Variants in DUS1L observed in about 807,000 individuals in gnomAD.
DUS1L encodes dihydrouridine synthase 1 like, also known as tRNA-dihydrouridine(16/17) synthase [NAD(P)(+)]-like.
Under a neutral mutation model 61.2 loss-of-function variants are expected in DUS1L, and 56 were observed. The ratio of observed to expected loss-of-function variants is 0.92; its 90% CI spans 0.74 to 1.14. The LOEUF (loss-of-function observed/expected upper bound fraction) is 1.14. DUS1L is among the 50% of genes most tolerant of loss of function. DUS1L has a pLI of 0.00. For synonymous variants in DUS1L, 278 were observed against 259.5 expected, an observed-to-expected ratio of 1.07 and a Z score of -0.69; for missense variants, 630 against 632.4, an observed-to-expected ratio of 1.00 and a Z score of 0.04.
chr17:82,059,307 G>C (rs1344441036), intron 11 of DUS1L: 1 of 182,494 alleles, frequency 5.5e-6, no homozygotes, highest in Admixed American at 5.4e-5. Context: ...GCTGGCACCA[G>C]CCTGATGTGG....
chr17:82,059,711 C>T (rs2033365835), intron 11 of DUS1L: 1 of 577,700 alleles, frequency 1.7e-6, no homozygotes, highest in Admixed American at 3.0e-5. Context: ...AAGCTTGTCC[C>T]ATAGCCTCAT....
rs1249083295 is a variant in DUS1L at position 82,060,685 on chromosome 17, C to T, written c.1022+16G>A. ...CCTTGGTGCACATCCCCGCCCAGGG[C>T]TGGCTGGGCTCTCACCCCGGCCGGA... is the stretch of plus-strand genomic sequence containing the variant. On this transcript the variant is annotated intron_variant, in intron 10 of 13. Transcript: ENST00000306796. The T allele has an allele frequency of 6.2e-7, 1 of 1,611,394 alleles. No individual in the cohort carries two copies. Among genetic ancestry groups the T allele is most frequent in the South Asian group, 1.1e-5 (1 of 90,758 alleles).
At chr17:82,058,677 C>T (rs760479427) in intron 12 of DUS1L, 104 bp downstream of exon 12, 3 of 1,574,456 alleles carry the variant, frequency 1.9e-6, no homozygotes, top group Non-Finnish European at 2.6e-6. Context: ...ACGTTGCAAA[C>T]CCAGCTGGGC....
At chr17:82,058,281 G>A (rs1598542327) in intron 13 of DUS1L, 27 bp from the exon 14 acceptor site, 1 of 1,552,456 alleles carries the variant, frequency 6.4e-7, no homozygotes. Context: ...GAGGAGTCGG[G>A]GGTCAGGAGG....
intron 5 of DUS1L, 40 bp downstream of exon 5, chr17:82,062,821 C>T (rs749087821): frequency 3.2e-6 from 5 of 1,543,138 alleles, no homozygotes; most frequent in South Asian, 1.1e-5. Flanking sequence ...CGCAAAGGCC[C>T]AGCTGAGGCC....
At position 82,061,894 on chromosome 17, in the gene DUS1L, C is replaced by G; in HGVS notation, c.593+7G>C. On this transcript the variant is annotated splice_region_variant and intron_variant, in intron 6 of 13. Transcript: ENST00000306796. ...GACTGAGGGCTGTGTCACCCACACCCACTCACCGCACAGCCTTGATATGCT... is the reference window on the plus strand; with the variant it reads ...GACTGAGGGCTGTGTCACCCACACCGACTCACCGCACAGCCTTGATATGCT... 1.2e-6 allele frequency: 2 copies of G among 1,604,676 alleles called. No homozygotes were observed. The highest frequency in any genetic ancestry group is 1.1e-5 in the South Asian group (1 of 90,092).
chr17:82,063,592 C>T (rs2033618214), intron 3 of DUS1L, 74 bp from the exon 4 acceptor site: 1 of 1,592,570 alleles, frequency 6.3e-7, no homozygotes, highest in Non-Finnish European at 8.6e-7. Context: ...ACCCCCTCTG[C>T]ACCCTTTCCT....
chr17:82,062,838 A>C (rs748052791), intron 5 of DUS1L, 23 bp downstream of exon 5: 1 of 1,592,818 alleles, frequency 6.3e-7, no homozygotes, highest in African/African-American at 1.3e-5. Context: ...GGCCCATGAC[A>C]CCCCCGCGAG....
intron 13 of DUS1L, 22 bp from the exon 14 acceptor site, chr17:82,058,276 G>C (rs1359592782): frequency 6.4e-7 from 1 of 1,558,592 alleles, no homozygotes; most frequent in Non-Finnish European, 8.7e-7. Flanking sequence ...AGTGAGAGGA[G>C]TCGGGGGTCA....
chr17:82,061,688 C>T lies in DUS1L; in HGVS notation c.627G>A (p.Gly209=), dbSNP rs1598555394. ...CCACGTCCTGCAGGCACTGGATGTT[C>T]CCGTTAGCAAACACAGGGATGGCCA... is the stretch of plus-strand genomic sequence containing the variant. ...KAVAIPVFAN[G]NIQCLQDVER... Residue 209 remains glycine (G), a synonymous_variant, in exon 7 of 14, where the codon GGG becomes GGA. Transcript: ENST00000306796. 1 of 1,613,050 alleles carries T rather than the reference C, an allele frequency of 6.2e-7. No individual in the cohort carries two copies. The highest frequency in any genetic ancestry group is 8.5e-7 in the Non-Finnish European group (1 of 1,179,920).
intron 3 of DUS1L, 29 bp from the exon 4 acceptor site, chr17:82,063,547 C>T (rs767532028): frequency 1.2e-6 from 2 of 1,612,972 alleles, no homozygotes; most frequent in Non-Finnish European, 1.7e-6. Context: ...GCCTGGCTGG[C>T]ACCTGTGTTA....
intron 4 of DUS1L, 84 bp downstream of exon 4, chr17:82,063,384 C>T: frequency 6.3e-7 from 1 of 1,593,426 alleles, no homozygotes; most frequent in South Asian, 1.1e-5. Flanking sequence ...CTGTCCTCTC[C>T]TGAGCCCCAA....
In DUS1L at chr17:82,058,823, G is replaced by A; in HGVS notation, c.1169-5C>T. 1 of 1,612,866 alleles carries A rather than the reference G, an allele frequency of 6.2e-7. No homozygotes were observed. The highest frequency in any genetic ancestry group is 8.5e-7 in the Non-Finnish European group (1 of 1,179,488). On this transcript the variant is annotated splice_polypyrimidine_tract_variant and splice_region_variant and intron_variant, in intron 11 of 13. Coordinates refer to ENST00000306796, the MANE Select transcript of DUS1L (RefSeq NM_022156.5). The stretch of plus-strand genomic sequence containing the variant: ...GGTCACACTTTGCATATTTTGCTAG[G>A]AAAAGAACAAAAGGGTGCTGGTGAG...
In DUS1L at chr17:82,059,038, A is replaced by G. The variant is rs1330691599; in HGVS notation, c.1169-220T>C. On this transcript the variant is annotated intron_variant, in intron 11 of 13. Transcript: ENST00000306796. ...GATGCAGGGGGCACCATCCTGCAGG[A>G]AACGGATAGGAAGCAGGTGGGCTGG... 3.8e-5 allele frequency: 22 copies of G among 579,938 alleles called. No individual in the cohort carries two copies. In the South Asian group the frequency reaches 4.4e-4, roughly 12 times the overall value. The allele number at this position is 579,938 out of a possible 1,614,324, so 35.9% of individuals were successfully genotyped here.
Position 82,061,307 on chromosome 17 carries a change from G to A in DUS1L, c.744C>T (p.Ala248=), listed in dbSNP as rs369502194. 713 of 1,610,370 alleles carry A rather than the reference G, an allele frequency of 4.4e-4. 10 individuals carry two copies. In the South Asian group the frequency reaches 7.2e-3, roughly 16 times the overall value. Residue 248 remains alanine, a synonymous_variant, in exon 8 of 14, where the codon GCC becomes GCT. Transcript: ENST00000306796. ...NPALFEGRSP[A]VWELAEEYLD... The stretch of plus-strand genomic sequence containing the variant: ...GATACTCCTCGGCCAGCTCCCACAC[G>A]GCAGGGCTCCGGCCCTCGAACAGGG...
At position 82,065,076 on chromosome 17, in the gene DUS1L, G is replaced by A. The variant is rs772461190; in HGVS notation, c.-10-7C>T. The A allele has an allele frequency of 6.0e-5, 95 of 1,576,496 alleles. No individual in the cohort carries two copies. The highest frequency in any genetic ancestry group is 7.9e-5 in the Non-Finnish European group (92 of 1,160,054). ...CTTTGGCATCGTCTCCAGGCTGGGGGAAAGGCGCAGACCCGGGGTTCAGCC... is the reference window on the plus strand; with the variant it reads ...CTTTGGCATCGTCTCCAGGCTGGGGAAAAGGCGCAGACCCGGGGTTCAGCC... On this transcript the variant is annotated splice_region_variant and splice_polypyrimidine_tract_variant and intron_variant, in intron 1 of 13. Transcript: ENST00000306796.
At chr17:82,064,737 TC>T in intron 2 of DUS1L, 85 bp downstream of exon 2, 3 of 1,346,752 alleles carry the variant, frequency 2.2e-6, no homozygotes, top group Non-Finnish European at 3.1e-6. Context: ...GAAAGTGATG[TC>T]CCGCCACAGA....
chr17:82,064,287 C>A, intron 2 of DUS1L, 53 bp from the exon 3 acceptor site: 1 of 1,496,312 alleles, frequency 6.7e-7, no homozygotes, highest in Admixed American at 1.8e-5. Context: ...TAGTCCCTTG[C>A]TGCCCAGCCC....
In DUS1L at chr17:82,064,973, C is replaced by G. The variant is rs140623740; in HGVS notation, c.87G>C (p.Glu29Asp). Residue 29 changes from glutamate (E) to aspartate (D), a missense_variant, in exon 2 of 14, where the codon GAG becomes GAC. Transcript: ENST00000306796. The part of the protein sequence containing the change: ...HVVAPMVDQS[E>D]LAWRLLSRRH... ...GCCGGCTCAGCAGCCTCCAGGCCAG[C>G]TCGCTCTGGTCCACCATGGGGGCCA... 10 of 1,612,320 alleles carry G rather than the reference C, an allele frequency of 6.2e-6. No individual in the cohort carries two copies. Among genetic ancestry groups the G allele is most frequent in the East Asian group, 2.2e-5 (1 of 44,876 alleles).
Sources: allele counts gnomAD v4.1 joint callset, GRCh38; gene constraint gnomAD v4.1.1; transcripts MANE v1.5; gene names NCBI Gene and HGNC (gene_info 2026-07-23, HGNC 2026-07-21).